RIPPLY1: variants seen among roughly 807,000 people sequenced by gnomAD.
RIPPLY1 encodes the protein protein ripply1.
RIPPLY1 carries 10 observed loss-of-function variants against 8.7 expected under a neutral mutation model. The ratio of observed to expected loss-of-function variants is 1.15; its 90% CI spans 0.71 to 1.94. The LOEUF is 1.94. RIPPLY1 is among the 30% of genes most tolerant of loss of function. The probability of loss-of-function intolerance (pLI) is 0.00; values close to 1 mark genes in which losing one functional copy is unlikely to be tolerated. For missense variants in RIPPLY1, 118 were observed against 108.7 expected, an observed-to-expected ratio of 1.09 and a Z score of -0.38; for synonymous variants, 54 against 44.8, an observed-to-expected ratio of 1.20 and a Z score of -0.82.
Position 106,902,191 on chromosome X carries a change from C to T in RIPPLY1, c.180G>A (p.Trp60Ter), listed in dbSNP as rs759761220. The T allele has an allele frequency of 1.8e-5, 21 of 1,186,197 alleles. No homozygotes were observed. Among genetic ancestry groups the T allele is most frequent in the Non-Finnish European group, 2.4e-5 (21 of 882,079 alleles). Residue 60 changes from tryptophan to a stop codon, truncating the protein, a stop_gained, in exon 2 of 4, where the codon TGG becomes TGA. Coordinates refer to ENST00000276173, the MANE Select transcript of RIPPLY1 (RefSeq NM_138382.3). LOFTEE classifies it high-confidence loss of function. Reference protein sequence around the residue: ...SERGTCLWRPWLSSTNDSPRQ... With the variant: ...SERGTCLWRP ...TTGGGGAGTCATTTGTGGAAGACAG[C>T]CAGGGCCTCCAGAGACAAGTTCCTC...
chrX:106,903,015 G>C (rs1022328055), intron 1 of RIPPLY1, 118 bp downstream of exon 1: 1 of 759,662 alleles, frequency 1.3e-6, no homozygotes, highest in Admixed American at 2.7e-5. Flanking sequence ...GGAGGGCTAT[G>C]AGGCCATTGC....
chrX:106,900,637 G>C lies in RIPPLY1; in HGVS notation c.*112C>G. The C allele has an allele frequency of 9.3e-7, 1 of 1,069,833 alleles. No individual in the cohort carries two copies. Among genetic ancestry groups the C allele is most frequent in the Non-Finnish European group, 1.2e-6 (1 of 822,420 alleles). The allele number at this position is 1,069,833 out of a possible 1,213,427, so 88.2% of individuals were successfully genotyped here. ...ACAAACTGAACCCCAATCAGACTCTGGCTGCCTCCATTTGGATAGGTTAGG... is the reference window on the plus strand; with the variant it reads ...ACAAACTGAACCCCAATCAGACTCTCGCTGCCTCCATTTGGATAGGTTAGG... On this transcript the variant is annotated 3_prime_UTR_variant, in exon 4 of 4. Transcript: ENST00000276173.
Position 106,900,080 on chromosome X carries a change from A to C in RIPPLY1, c.*669T>G, listed in dbSNP as rs1933065331. On this transcript the variant is annotated 3_prime_UTR_variant, in exon 4 of 4. Coordinates refer to ENST00000276173, the MANE Select transcript of RIPPLY1 (RefSeq NM_138382.3). ...CAGCACAGTTCCAAGAAAAAGGAAAACACCATCCAGTTTATTTTTCTCCTG... is the reference window on the plus strand; with the variant it reads ...CAGCACAGTTCCAAGAAAAAGGAAACCACCATCCAGTTTATTTTTCTCCTG... 1 of 112,387 alleles carries C rather than the reference A, an allele frequency of 8.9e-6. No individual in the cohort carries two copies. The highest frequency in any genetic ancestry group is 9.4e-5 in the Admixed American group (1 of 10,688). The allele number at this position is 112,387 out of a possible 1,213,427, so 9.3% of individuals were successfully genotyped here. A position where few individuals can be genotyped will look rare whatever the true frequency, so the allele number is the denominator to read the frequency against.
chrX:106,903,319 A>G lies in RIPPLY1; in HGVS notation c.-32T>C. 2 of 1,160,546 alleles carry G rather than the reference A, an allele frequency of 1.7e-6. No homozygotes were observed. Among genetic ancestry groups the G allele is most frequent in the Non-Finnish European group, 2.3e-6 (2 of 868,109 alleles). On this transcript the variant is annotated 5_prime_UTR_variant, in exon 1 of 4. Transcript: ENST00000276173. ...GGGACCAAAGCCAGTGGGGTCTCCTACTTCCCAGAACCTTCTGCACTCTTT... is the reference window on the plus strand; with the variant it reads ...GGGACCAAAGCCAGTGGGGTCTCCTGCTTCCCAGAACCTTCTGCACTCTTT...
intron 3 of RIPPLY1, 62 bp from the exon 4 acceptor site, chrX:106,900,970 G>A: frequency 8.7e-7 from 1 of 1,147,867 alleles, no homozygotes; most frequent in Non-Finnish European, 1.2e-6. Flanking sequence ...GGCCAGTAGG[G>A]CCAAGAAAGA....
At chrX:106,901,859 G>A (rs1602451708) in intron 2 of RIPPLY1, among the ~76,000 whole-genome samples, 2 of 111,828 alleles carry the variant, frequency 1.8e-5, no homozygotes, top group Middle Eastern at 9.1e-3. Flanking sequence ...ACTGGAGTAA[G>A]GTGCCAGGAG....
In RIPPLY1 at chrX:106,900,711, A is replaced by T. The variant is rs772051193; in HGVS notation, c.*38T>A. On this transcript the variant is annotated 3_prime_UTR_variant, in exon 4 of 4. Coordinates refer to ENST00000276173, the MANE Select transcript of RIPPLY1 (RefSeq NM_138382.3). Reference sequence around the variant, plus strand: ...GGCGCTGTAGGGTATGGACCCTGGTACCCTCACACACCCTTCTGGCCCCTT... The same window carrying T: ...GGCGCTGTAGGGTATGGACCCTGGTTCCCTCACACACCCTTCTGGCCCCTT... 6 of 1,175,906 alleles carry T rather than the reference A, an allele frequency of 5.1e-6. No homozygotes were observed. Among genetic ancestry groups the T allele is most frequent in the Non-Finnish European group, 6.8e-6 (6 of 877,980 alleles).
intron 2 of RIPPLY1, 121 bp from the exon 3 acceptor site, chrX:106,901,659 G>A: frequency 1.4e-6 from 1 of 695,824 alleles, no homozygotes; most frequent in Non-Finnish European, 2.2e-6. Context: ...ACATCTCTGG[G>A]ACCCAGCAAC....
chrX:106,902,087 C>G (rs1372030406), intron 2 of RIPPLY1, 53 bp downstream of exon 2: 2 of 1,045,420 alleles, frequency 1.9e-6, no homozygotes, highest in Non-Finnish European at 2.6e-6. Flanking sequence ...GACCTGGTCA[C>G]TGTTAATGCA....
intron 1 of RIPPLY1, among the ~76,000 whole-genome samples, chrX:106,902,874 C>CACCT (rs780228486): frequency 3.6e-5 from 4 of 112,609 alleles, no homozygotes; most frequent in African/African-American, 1.3e-4. Context: ...GGGACTCAGC[C>CACCT]ACCTGGCCTA....
chrX:106,902,396 TTGCTTTTATCA>T (rs1933115756), intron 1 of RIPPLY1, among the ~76,000 whole-genome samples, 181 bp from the exon 2 acceptor site: 1 of 112,293 alleles, frequency 8.9e-6, no homozygotes, highest in Admixed American at 9.4e-5. Flanking sequence ...AATGTTATTA[TTGCTTTTATCA>T]TGCTGTTTTG....
rs1315837739 is a variant in RIPPLY1, at chrX:106,901,524, T to G, written c.246A>C (p.Ala82=). The change falls in exon 3 of 4, where the codon GCA becomes GCC. Residue 82 remains alanine (A), a synonymous_variant. Transcript: ENST00000276173. ...RKLVDLAAGG[A]TAAEVTKAES... ...CAGCCTTGGTGACCTCAGCAGCCGT[T>G]GCCCCACCAGCAGCCTGTCCAAAGC... is the stretch of plus-strand genomic sequence containing the variant. The G allele has an allele frequency of 8.3e-7, 1 of 1,211,361 alleles. No homozygotes were observed. Among genetic ancestry groups the G allele is most frequent in the Admixed American group, 2.2e-5 (1 of 46,029 alleles).
rs1434401096 is a variant in RIPPLY1 at position 106,900,771 on chromosome X, T to C, written c.434A>G (p.Gln145Arg). ...CTCCTACTTCTCTTCTTCATCCTCC[T>C]GCTCTTCATCTTCCTCTTCTTCTTC... is the stretch of plus-strand genomic sequence containing the variant. ...DSEEEEEDEEQEDEEEK is the reference protein window; with the variant it reads ...DSEEEEEDEEREDEEEK Residue 145 changes from glutamine to arginine, a missense_variant, in exon 4 of 4, where the codon CAG becomes CGG. Gln to Arg is a conservative substitution (Grantham distance 43, BLOSUM62 1). Transcript: ENST00000276173. 9.1e-6 allele frequency: 11 copies of C among 1,208,687 alleles called. No homozygotes were observed. In the African/African-American group the frequency reaches 1.4e-4, roughly 15 times the overall value.
intron 1 of RIPPLY1, among the ~76,000 whole-genome samples, 172 bp downstream of exon 1, chrX:106,902,961 T>G (rs1488913354): frequency 8.9e-6 from 1 of 112,258 alleles, no homozygotes; most frequent in Non-Finnish European, 1.9e-5. Flanking sequence ...GCGGGATTAG[T>G]GAGGTGAAAA....
chrX:106,900,974 A>C, intron 3 of RIPPLY1, 66 bp from the exon 4 acceptor site: 1 of 1,145,337 alleles, frequency 8.7e-7, no homozygotes. Flanking sequence ...AGTAGGGCCA[A>C]GAAAGAAGCT....
In RIPPLY1 at chrX:106,900,841, A is replaced by C; in HGVS notation, c.364T>G (p.Phe122Val). 1 of 1,209,845 alleles carries C rather than the reference A, an allele frequency of 8.3e-7. No individual in the cohort carries two copies. Among genetic ancestry groups the C allele is most frequent in the Non-Finnish European group, 1.1e-6 (1 of 895,150 alleles). ...AGGTTGATGGTTGCCTGGACAGGAA[A>C]GTTCTGCAGTAAAATCTCCCCAGCA... ...YSAGEILLQN[F>V]PVQATINLYE... The change falls in exon 4 of 4, where the codon TTT becomes GTT. Residue 122 changes from phenylalanine to valine, a missense_variant. Transcript: ENST00000276173.
chrX:106,902,593 C>T (rs1258926077), intron 1 of RIPPLY1, among the ~76,000 whole-genome samples: 1 of 111,752 alleles, frequency 8.9e-6, no homozygotes, highest in African/African-American at 3.3e-5. Flanking sequence ...ATCTTGCCTC[C>T]TACTTCCTGC....
Position 106,900,352 on chromosome X carries a change from C to T in RIPPLY1, c.*397G>A, listed in dbSNP as rs1461062378. 1 of 121,676 alleles carries T rather than the reference C, an allele frequency of 8.2e-6. No individual in the cohort carries two copies. Among genetic ancestry groups the T allele is most frequent in the Non-Finnish European group, 1.7e-5 (1 of 60,189 alleles). The allele number at this position is 121,676 out of a possible 1,213,427, so 10.0% of individuals were successfully genotyped here. A position where few individuals can be genotyped will look rare whatever the true frequency, so the allele number is the denominator to read the frequency against. On this transcript the variant is annotated 3_prime_UTR_variant, in exon 4 of 4. Coordinates refer to ENST00000276173, the MANE Select transcript of RIPPLY1 (RefSeq NM_138382.3). The stretch of plus-strand genomic sequence containing the variant: ...GGGAGTCAAAGGGCCTGAGGAATGA[C>T]TACTTCCCTCCACAAGGGCATTCCC...
Position 106,900,842 on chromosome X carries a change from G to C in RIPPLY1, c.363C>G (p.Asn121Lys). 8.3e-7 allele frequency: 1 copy of C among 1,211,733 alleles called. No individual in the cohort carries two copies. Among genetic ancestry groups the C allele is most frequent in the Non-Finnish European group, 1.1e-6 (1 of 895,432 alleles). ...LYSAGEILLQ[N>K]FPVQATINLY... ...GGTTGATGGTTGCCTGGACAGGAAA[G>C]TTCTGCAGTAAAATCTCCCCAGCAC... Residue 121 changes from asparagine to lysine, a missense_variant, in exon 4 of 4, where the codon AAC becomes AAG. Physicochemically the swap from Asn to Lys is moderately conservative, Grantham distance 94. Transcript: ENST00000276173.
Sources: allele counts gnomAD v4.1 joint callset (sites outside exome capture counted in the v4.1 genomes callset), GRCh38; gene constraint gnomAD v4.1.1; transcripts MANE v1.5; gene names NCBI Gene and HGNC (gene_info 2026-07-23, HGNC 2026-07-21).